The following FNDC3B variants were observed in gnomAD, a reference collection of about 807,000 sequenced individuals.
FNDC3B encodes fibronectin type III domain containing 3B.
A neutral mutation model predicts 151.5 loss-of-function variants in FNDC3B; 12 were observed. The ratio of observed to expected loss-of-function variants is 0.08; its 90% CI spans 0.05 to 0.13. The LOEUF (loss-of-function observed/expected upper bound fraction) is 0.13. Among genes scored for constraint, FNDC3B ranks in the 10% least tolerant of loss-of-function variants. FNDC3B has a pLI of 1.00. For missense variants in FNDC3B, 1,214 were observed against 1,505.3 expected, an observed-to-expected ratio of 0.81 and a Z score of 3.20; for synonymous variants, 528 against 549.0, an observed-to-expected ratio of 0.96 and a Z score of 0.54.
intron 6 of FNDC3B, among the ~76,000 whole-genome samples, chr3:172,253,759 C>T (rs925076364): frequency 6.6e-6 from 1 of 151,664 alleles, no homozygotes; most frequent in Non-Finnish European, 1.5e-5. Flanking sequence ...AAGTTGTTCT[C>T]ATGGCCAGAA....
intron 3 of FNDC3B, among the ~76,000 whole-genome samples, chr3:172,153,803 A>G (rs1222558872): frequency 1.3e-5 from 2 of 152,224 alleles, no homozygotes; most frequent in Non-Finnish European, 2.9e-5. Flanking sequence ...TGAGGAGGCC[A>G]GACTGGACTG....
intron 1 of FNDC3B, among the ~76,000 whole-genome samples, chr3:172,081,190 A>T (rs537041813): frequency 3.9e-5 from 6 of 152,336 alleles, no homozygotes; most frequent in African/African-American, 1.4e-4. Flanking sequence ...ACTGAGAGTT[A>T]GATTACCTTT....
At chr3:172,080,738 G>T (rs1718240864) in intron 1 of FNDC3B, among the ~76,000 whole-genome samples, 1 of 152,188 alleles carries the variant, frequency 6.6e-6, no homozygotes, top group African/African-American at 2.4e-5. Context: ...TATTTACTTA[G>T]TAAAAACCTG....
chr3:172,386,480 C>T (rs1417406917), intron 25 of FNDC3B, among the ~76,000 whole-genome samples: 6 of 152,212 alleles, frequency 3.9e-5, no homozygotes, highest in African/African-American at 1.2e-4. Flanking sequence ...CGGTGGCTTA[C>T]GCCTGTAATC....
chr3:172,170,299 T>A (rs898683718), intron 3 of FNDC3B, among the ~76,000 whole-genome samples: 4 of 152,224 alleles, frequency 2.6e-5, no homozygotes, highest in Non-Finnish European at 5.9e-5. Context: ...TATGTTTGTT[T>A]CTCTCCTTCC....
intron 21 of FNDC3B, among the ~76,000 whole-genome samples, chr3:172,351,081 T>A (rs1733829593): frequency 6.6e-6 from 1 of 152,210 alleles, no homozygotes; most frequent in Admixed American, 6.5e-5. Context: ...ACAGGCAACT[T>A]TGCCCTTATG....
intron 3 of FNDC3B, among the ~76,000 whole-genome samples, chr3:172,176,661 T>C (rs1302519045): frequency 6.6e-6 from 1 of 152,228 alleles, no homozygotes; most frequent in South Asian, 2.1e-4. Context: ...TGGAAAGTGC[T>C]GTAGGAACCC....
In FNDC3B at chr3:172,335,101, G is replaced by A. The variant is rs1453736924; in HGVS notation, c.1780+19G>A. 6.7e-7 allele frequency: 1 copy of A among 1,503,574 alleles called. No individual in the cohort carries two copies. Among genetic ancestry groups the A allele is most frequent in the Admixed American group, 2.4e-5 (1 of 41,166 alleles). The allele number at this position is 1,503,574 out of a possible 1,614,324, so 93.1% of individuals were successfully genotyped here. A position where few individuals can be genotyped will look rare whatever the true frequency, so the allele number is the denominator to read the frequency against. On this transcript the variant is annotated intron_variant, in intron 15 of 25. Coordinates refer to ENST00000415807, the MANE Select transcript of FNDC3B (RefSeq NM_022763.4). Reference sequence around the variant, plus strand: ...AAATGGGGTATGTTTTGCTGCTGCTGCTACTGTTTTTTTTTTTTTTTTCTT... The same window carrying A: ...AAATGGGGTATGTTTTGCTGCTGCTACTACTGTTTTTTTTTTTTTTTTCTT...
chr3:172,073,735 A>G (rs62283789), intron 1 of FNDC3B, among the ~76,000 whole-genome samples: 5,128 of 152,234 alleles, frequency 0.034, 115 homozygotes, highest in Non-Finnish European at 0.048. Context: ...AGTCTTATGC[A>G]TGTCCCTATA....
At chr3:172,135,985 C>T (rs150596792) in intron 3 of FNDC3B, among the ~76,000 whole-genome samples, 2 of 152,324 alleles carry the variant, frequency 1.3e-5, no homozygotes, top group African/African-American at 4.8e-5. Context: ...AACATTTATT[C>T]ATCTCAGGCT....
intron 25 of FNDC3B, among the ~76,000 whole-genome samples, chr3:172,391,702 T>G (rs185653985): frequency 1.2e-4 from 18 of 152,300 alleles, no homozygotes; most frequent in African/African-American, 4.1e-4. Flanking sequence ...CAACATTAAC[T>G]TATCGCCACC....
At chr3:172,060,685 C>CA (rs766299935) in intron 1 of FNDC3B, among the ~76,000 whole-genome samples, 21 of 152,198 alleles carry the variant, frequency 1.4e-4, no homozygotes, top group Non-Finnish European at 2.6e-4. Context: ...CAGAGACCGA[C>CA]ACTTTCCTCT....
chr3:172,113,412 A>G (rs979188717), intron 2 of FNDC3B, among the ~76,000 whole-genome samples: 7 of 152,198 alleles, frequency 4.6e-5, no homozygotes, highest in Admixed American at 1.3e-4. Flanking sequence ...GCTCTAATCT[A>G]TCATACAGTA....
chr3:172,136,194 C>T (rs1721354530), intron 3 of FNDC3B, among the ~76,000 whole-genome samples: 1 of 152,128 alleles, frequency 6.6e-6, no homozygotes, highest in Admixed American at 6.5e-5. Flanking sequence ...GTTCCTGTTC[C>T]TGGAGTAACA....
chr3:172,354,230 C>T (rs1030219365), intron 22 of FNDC3B, among the ~76,000 whole-genome samples: 9 of 151,734 alleles, frequency 5.9e-5, no homozygotes, highest in Admixed American at 1.3e-4. Flanking sequence ...TGTTTATATA[C>T]AAATAGAAAA....
intron 3 of FNDC3B, among the ~76,000 whole-genome samples, chr3:172,143,557 G>A (rs1721736704): frequency 6.6e-6 from 1 of 151,890 alleles, no homozygotes; most frequent in Non-Finnish European, 1.5e-5. Flanking sequence ...AAATTATAGC[G>A]TTTATGTATA....
chr3:172,261,068 A>C (rs1728623417), intron 6 of FNDC3B, among the ~76,000 whole-genome samples: 1 of 152,210 alleles, frequency 6.6e-6, no homozygotes, highest in Non-Finnish European at 1.5e-5. Context: ...TGGGTAACCC[A>C]CTAAATTTCC....
chr3:172,282,510 TTATTTGGCCCCATTCAA>T, intron 6 of FNDC3B, among the ~76,000 whole-genome samples: 1 of 152,222 alleles, frequency 6.6e-6, no homozygotes, highest in East Asian at 1.9e-4. Flanking sequence ...AATCCTTTGT[TTATTTGGCCCCATTCAA>T]GGCCCACTTT....
At chr3:172,300,633 C>G (rs1369149258) in intron 9 of FNDC3B, among the ~76,000 whole-genome samples, 1 of 152,080 alleles carries the variant, frequency 6.6e-6, no homozygotes, top group African/African-American at 2.4e-5. Context: ...ATCTAGGGGC[C>G]TTGGGTCTAG....
Sources: allele counts gnomAD v4.1 joint callset (sites outside exome capture counted in the v4.1 genomes callset), GRCh38; gene constraint gnomAD v4.1.1; transcripts MANE v1.5; gene names NCBI Gene and HGNC (gene_info 2026-07-23, HGNC 2026-07-21).